The following NUP88 variants were observed in gnomAD, a reference collection of about 807,000 sequenced individuals.
The protein encoded by NUP88 is nucleoporin 88, also known as nuclear pore complex protein Nup88.
In NUP88, 57 loss-of-function variants were observed where a neutral mutation model predicts 93.9. The observed-to-expected ratio is 0.61, with a 90% CI of 0.49 to 0.76. The LOEUF (loss-of-function observed/expected upper bound fraction) is 0.76, where lower values mean the gene tolerates loss of function less well. NUP88 is among the 30% of genes least tolerant of loss of function. NUP88 has a pLI of 0.00. For missense variants in NUP88, 911 were observed against 901.0 expected, an observed-to-expected ratio of 1.01 and a Z score of -0.14; for synonymous variants, 346 against 336.8, an observed-to-expected ratio of 1.03 and a Z score of -0.30.
intron 9 of NUP88, among the ~76,000 whole-genome samples, chr17:5,393,314 C>T (rs1472871297): frequency 1.3e-5 from 2 of 151,988 alleles, no homozygotes; most frequent in Non-Finnish European, 2.9e-5. Context: ...CCAGGCTGGT[C>T]TCAAACTCCT....
intron 7 of NUP88, among the ~76,000 whole-genome samples, chr17:5,403,711 G>A (rs1913310879): frequency 1.3e-5 from 2 of 152,116 alleles, no homozygotes; most frequent in Admixed American, 6.5e-5. Flanking sequence ...ATGGACACAG[G>A]TTGATTCAGC....
Position 5,405,168 on chromosome 17 carries a change from C to T in NUP88, c.933G>A (p.Ala311=), listed in dbSNP as rs146747198. The change falls in exon 6 of 17, where the codon GCG becomes GCA. Residue 311 remains alanine (A), a synonymous_variant. Transcript: ENST00000573584. ...CACAGGGTAAGCAGAGTACAGCACA[C>T]GCATCATAACCATAGTTATCTTCAG... ...PAAEDNYGYD[A]CAVLCLPCVP... is the part of the protein sequence containing the mutation. The T allele has an allele frequency of 2.0e-5, 32 of 1,614,158 alleles. No homozygotes were observed. The highest frequency in any genetic ancestry group is 1.7e-4 in the Middle Eastern group (1 of 6,060).
intron 2 of NUP88, among the ~76,000 whole-genome samples, chr17:5,415,610 T>G (rs1914091092): frequency 6.6e-6 from 1 of 152,162 alleles, no homozygotes. Context: ...TACCAGTACA[T>G]AAGCCAACAT....
chr17:5,409,736 T>A (rs1249801372), intron 4 of NUP88, among the ~76,000 whole-genome samples: 2 of 152,004 alleles, frequency 1.3e-5, no homozygotes, highest in Non-Finnish European at 2.9e-5. Context: ...TCAGAAAATA[T>A]CATGAAAAAT....
At chr17:5,410,627 G>T in intron 4 of NUP88, 76 bp downstream of exon 4, 1 of 879,972 alleles carries the variant, frequency 1.1e-6, no homozygotes, top group Non-Finnish European at 1.8e-6. Flanking sequence ...GAAAAACCTT[G>T]CAACCTGTTA....
chr17:5,414,159 A>C (rs1914002600), intron 2 of NUP88, 25 bp from the exon 3 acceptor site: 1 of 1,605,472 alleles, frequency 6.2e-7, no homozygotes. Context: ...ATAATTTTCC[A>C]AAACATTTTG....
At chr17:5,392,052 G>A (rs117230455) in intron 9 of NUP88, among the ~76,000 whole-genome samples, 2 of 152,348 alleles carry the variant, frequency 1.3e-5, no homozygotes, top group East Asian at 3.9e-4. Flanking sequence ...GAGGCCCAAT[G>A]TCAATGTCAC....
At chr17:5,418,629 A>G (rs1448088738) in intron 1 of NUP88, among the ~76,000 whole-genome samples, 2 of 152,226 alleles carry the variant, frequency 1.3e-5, no homozygotes, top group African/African-American at 4.8e-5. Context: ...CTGCAGAAGC[A>G]TTGCTAGCGT....
chr17:5,410,487 TG>T (rs11336162), intron 4 of NUP88, among the ~76,000 whole-genome samples: 97,746 of 152,006 alleles, frequency 0.64, 33,715 homozygotes, highest in East Asian at 0.98. Flanking sequence ...TCCAGCACTT[TG>T]GGGAGGCTGA....
Position 5,404,124 on chromosome 17 carries a change from A to C in NUP88, c.1167T>G (p.Phe389Leu), listed in dbSNP as rs769947831. The C allele has an allele frequency of 6.2e-7, 1 of 1,614,156 alleles. No individual in the cohort carries two copies. The highest frequency in any genetic ancestry group is 1.1e-5 in the South Asian group (1 of 91,080). Reference sequence around the variant, plus strand: ...CTCTATGAAGTTTGACTGGACAAGAAAAGTCAGAATCAAAAGGGTCATCCT... The same window carrying C: ...CTCTATGAAGTTTGACTGGACAAGACAAGTCAGAATCAAAAGGGTCATCCT... ...SGEDDPFDSD[F>L]SCPVKLHRDP... The change falls in exon 7 of 17, where the codon TTT becomes TTG. Residue 389 changes from phenylalanine (F) to leucine (L), a missense_variant. Phe to Leu is a conservative substitution (Grantham distance 22). Coordinates refer to ENST00000573584, the MANE Select transcript of NUP88 (RefSeq NM_002532.6).
chr17:5,403,682 A>AC (rs1913307016), intron 7 of NUP88, among the ~76,000 whole-genome samples: 1 of 151,560 alleles, frequency 6.6e-6, no homozygotes, highest in African/African-American at 2.4e-5. Flanking sequence ...AACAACAACA[A>AC]AATCCATTTG....
At chr17:5,417,052 T>C (rs1914194478) in intron 1 of NUP88, among the ~76,000 whole-genome samples, 1 of 152,116 alleles carries the variant, frequency 6.6e-6, no homozygotes, top group Non-Finnish European at 1.5e-5. Context: ...TCTGAACACC[T>C]GTTCCCGTGC....
In NUP88 at chr17:5,386,073, T is replaced by C. The variant is rs972539251; in HGVS notation, c.*133A>G. 1.1e-5 allele frequency: 7 copies of C among 639,096 alleles called. No homozygotes were observed. The highest frequency in any genetic ancestry group is 1.9e-5 in the Non-Finnish European group (7 of 366,682). 39.6% of individuals were successfully genotyped at this position (639,096 alleles called of 1,614,324 possible). ...TTTACTCAATTATTATAAAACAACA[T>C]ATTTAAAAAGATGAACCACACCAAA... On this transcript the variant is annotated 3_prime_UTR_variant, in exon 17 of 17. Transcript: ENST00000573584.
chr17:5,410,905 A>G, intron 3 of NUP88, 116 bp from the exon 4 acceptor site: 1 of 688,710 alleles, frequency 1.5e-6, no homozygotes, highest in Non-Finnish European at 2.6e-6. Context: ...TATCACAACT[A>G]TTTCTTTGCA....
rs1913354227 is a variant in NUP88 at position 5,404,300 on chromosome 17, A to G, written c.1045-54T>C. The G allele has an allele frequency of 6.3e-6, 10 of 1,587,072 alleles. No homozygotes were observed. The South Asian group carries it at 1.0e-4, about 16-fold the overall frequency. ...CTTGCATGTTAATTTGAAAATGTAC[A>G]CAATTAAAAACAGGCAAAAAGCTGG... On this transcript the variant is annotated intron_variant, in intron 6 of 16. Transcript: ENST00000573584.
At chr17:5,408,985 AAAC>A in intron 4 of NUP88, 76 bp from the exon 5 acceptor site, 1 of 1,322,834 alleles carries the variant, frequency 7.6e-7, no homozygotes, top group Non-Finnish European at 1.0e-6. Flanking sequence ...AACAAAACAA[AAAC>A]ACAAAATGTC....
chr17:5,409,283 A>G (rs1427880474), intron 4 of NUP88, among the ~76,000 whole-genome samples: 4 of 151,252 alleles, frequency 2.6e-5, no homozygotes, highest in Non-Finnish European at 4.4e-5. Flanking sequence ...CTAAGGCAGG[A>G]GAATTGCTTG....
chr17:5,409,011 G>T, intron 4 of NUP88, 102 bp from the exon 5 acceptor site: 1 of 951,122 alleles, frequency 1.1e-6, no homozygotes, highest in Non-Finnish European at 1.5e-6. Context: ...ATAACAGGAG[G>T]TGGGTATGTA....
chr17:5,394,258 A>G lies in NUP88; in HGVS notation c.1382+633T>C, dbSNP rs138963728. 9.6e-4 allele frequency among the ~76,000 whole-genome samples: 147 copies of G among 152,336 alleles called. 1 individual carries two copies. Among genetic ancestry groups the G allele is most frequent in the African/African-American group, 3.4e-3 (142 of 41,588 alleles). ...AAGACCCAAGGAAAGAGTTGTGAGCATTACTTATAAGCAGTGAGTAGAGGC... is the reference window on the plus strand; with the variant it reads ...AAGACCCAAGGAAAGAGTTGTGAGCGTTACTTATAAGCAGTGAGTAGAGGC... On this transcript the variant is annotated intron_variant, in intron 9 of 16. Transcript: ENST00000573584.
Sources: allele counts gnomAD v4.1 joint callset (sites outside exome capture counted in the v4.1 genomes callset), GRCh38; gene constraint gnomAD v4.1.1; transcripts MANE v1.5; gene names NCBI Gene and HGNC (gene_info 2026-07-23, HGNC 2026-07-21).